KCTD1: variants seen among roughly 807,000 people sequenced by gnomAD.
KCTD1 encodes BTB/POZ domain-containing protein KCTD1.
A neutral mutation model predicts 66.0 loss-of-function variants in KCTD1; 24 were observed. The observed-to-expected ratio is 0.36, with a 90% CI of 0.26 to 0.51. The LOEUF is 0.51. Among genes scored for constraint, KCTD1 ranks in the 20% least tolerant of loss-of-function variants. The pLI is 0.95. For missense variants in KCTD1, 943 were observed against 1,205.2 expected, an observed-to-expected ratio of 0.78 and a Z score of 3.22; for synonymous variants, 511 against 517.2, an observed-to-expected ratio of 0.99 and a Z score of 0.16.
chr18:26,549,266 G>A (rs1173334139), upstream of KCTD1: 5 of 985,890 alleles, frequency 5.1e-6, no homozygotes, highest in Admixed American at 1.2e-4. Context: ...AGGCGCGGGG[G>A]CCTGGGGCCA....
intron 1 of KCTD1, among the ~76,000 whole-genome samples, chr18:26,542,157 T>C (rs942151608): frequency 3.3e-5 from 5 of 152,228 alleles, no homozygotes; most frequent in Non-Finnish European, 2.9e-5. Context: ...GAATTCAGCA[T>C]CTTAGAGCAC....
intron 2 of KCTD1, among the ~76,000 whole-genome samples, chr18:26,498,385 G>C (rs1337342122): frequency 6.6e-6 from 1 of 151,034 alleles, no homozygotes; most frequent in Non-Finnish European, 1.5e-5. Flanking sequence ...TAGGTTTAGT[G>C]AGATGCTTTT....
intron 3 of KCTD1, among the ~76,000 whole-genome samples, chr18:26,470,176 TGCTGA>T (rs1296176884): frequency 2.0e-5 from 3 of 152,194 alleles, no homozygotes; most frequent in African/African-American, 4.8e-5. Flanking sequence ...ATGTGGCAGG[TGCTGA>T]GCATGTGGGA....
intron 1 of KCTD1, among the ~76,000 whole-genome samples, chr18:26,610,126 A>G (rs140020642): frequency 1.3e-5 from 2 of 152,304 alleles, no homozygotes; most frequent in Non-Finnish European, 2.9e-5. Context: ...GTCTGTCCCT[A>G]TCTATCTTGT....
At chr18:26,495,105 A>ATT (rs57353421) in intron 2 of KCTD1, among the ~76,000 whole-genome samples, 1 of 148,142 alleles carries the variant, frequency 6.8e-6, no homozygotes, top group Non-Finnish European at 1.5e-5. Flanking sequence ...AATTGAATGC[A>ATT]TTTTTTTTTT....
intron 1 of KCTD1, among the ~76,000 whole-genome samples, chr18:26,540,912 C>T (rs570189812): frequency 6.6e-6 from 1 of 152,286 alleles, no homozygotes; most frequent in East Asian, 1.9e-4. Context: ...CAATGGTCAA[C>T]TGTAATTCAG....
chr18:26,549,189 G>T (rs1253531639), upstream of KCTD1: 3 of 985,684 alleles, frequency 3.0e-6, no homozygotes, highest in Non-Finnish European at 2.4e-6. Context: ...AGGGCGCAGC[G>T]GGCGAGGCTT....
chr18:26,599,951 C>G, intron 1 of KCTD1: 2 of 1,600,088 alleles, frequency 1.2e-6, no homozygotes, highest in Non-Finnish European at 1.7e-6. Flanking sequence ...AAGAAGTCTT[C>G]TCCTTCAGTG....
intron 1 of KCTD1, among the ~76,000 whole-genome samples, chr18:26,508,260 C>T (rs1028470791): frequency 2.0e-5 from 3 of 152,124 alleles, no homozygotes; most frequent in Non-Finnish European, 1.5e-5. Flanking sequence ...TAGCTGCTTC[C>T]CATAGCTTCA....
intron 1 of KCTD1, among the ~76,000 whole-genome samples, chr18:26,570,184 T>TAAAAAAA (rs10648043): frequency 1.7e-5 from 2 of 120,916 alleles, no homozygotes; most frequent in African/African-American, 5.9e-5. Flanking sequence ...AGACTCCATC[T>TAAAAAAA]AAAAAAAATA....
At chr18:26,566,762 C>G (rs2144888995) in intron 1 of KCTD1, 1 of 145,804 alleles carries the variant, frequency 6.9e-6, no homozygotes. Flanking sequence ...ACAGCCCACA[C>G]AACTGGCATT....
chr18:26,508,662 T>C, intron 1 of KCTD1, among the ~76,000 whole-genome samples: 1 of 152,174 alleles, frequency 6.6e-6, no homozygotes, highest in Non-Finnish European at 1.5e-5. Context: ...AAGAATTTAA[T>C]ACAGATCATA....
chr18:26,457,824 C>T (rs3875088), intron 4 of KCTD1: 3,170 of 152,272 alleles, frequency 0.021, 47 homozygotes, highest in Middle Eastern at 0.071. Context: ...TGGAGCAGGA[C>T]GCAAGGGTAG....
chr18:26,563,066 CCCCTT>C (rs1471197617), intron 1 of KCTD1, among the ~76,000 whole-genome samples: 1 of 152,162 alleles, frequency 6.6e-6, no homozygotes, highest in East Asian at 1.9e-4. Flanking sequence ...ACTCTGTAGT[CCCCTT>C]CCCTGCTTCC....
chr18:26,498,337 G>A lies in KCTD1; in HGVS notation c.1988+2735C>T, dbSNP rs118119150. 2.0e-3 allele frequency among the ~76,000 whole-genome samples: 311 copies of A among 151,756 alleles called. 3 individuals are homozygous for A. The East Asian group carries it at 0.038, about 18-fold the overall frequency. On this transcript the variant is annotated intron_variant, in intron 2 of 4. Coordinates refer to ENST00000580059, the MANE Select transcript of KCTD1 (RefSeq NM_001142730.3). ...AATTACGTTGGTGAAAGAGACACTC[G>A]CTTTTTTATGTATTTCAGTATCAGG...
At chr18:26,559,081 G>A (rs1487675713) in intron 1 of KCTD1, among the ~76,000 whole-genome samples, 2 of 152,144 alleles carry the variant, frequency 1.3e-5, no homozygotes, top group East Asian at 1.9e-4. Flanking sequence ...AGAGAGTAGA[G>A]GATGGTTACC....
chr18:26,526,633 C>T (rs561719679), intron 1 of KCTD1, among the ~76,000 whole-genome samples: 41 of 152,258 alleles, frequency 2.7e-4, no homozygotes, highest in East Asian at 1.4e-3. Context: ...CCAAGGCACA[C>T]GGAAAGGGGT....
At chr18:26,529,422 C>G (rs1984330572) in intron 1 of KCTD1, among the ~76,000 whole-genome samples, 1 of 152,210 alleles carries the variant, frequency 6.6e-6, no homozygotes, top group Non-Finnish European at 1.5e-5. Context: ...ACTTTCTTTT[C>G]TAGAATATTC....
intron 1 of KCTD1, among the ~76,000 whole-genome samples, chr18:26,576,074 A>G (rs1253516647): frequency 6.6e-6 from 1 of 152,220 alleles, no homozygotes; most frequent in South Asian, 2.1e-4. Context: ...CATCGCCTCC[A>G]GGAAGCTTTG....
Sources: allele counts gnomAD v4.1 joint callset (sites outside exome capture counted in the v4.1 genomes callset), GRCh38; gene constraint gnomAD v4.1.1; transcripts MANE v1.5; gene names NCBI Gene and HGNC (gene_info 2026-07-23, HGNC 2026-07-21).